CBFA2T2: variants seen among roughly 807,000 people sequenced by gnomAD.
The protein encoded by CBFA2T2 is protein CBFA2T2.
In CBFA2T2, 11 loss-of-function variants were observed where a neutral mutation model predicts 62.2. The ratio of observed to expected loss-of-function variants is 0.18; its 90% confidence interval spans 0.11 to 0.29. CBFA2T2 has a LOEUF of 0.29. Among genes scored for constraint, CBFA2T2 ranks in the 10% least tolerant of loss-of-function variants. CBFA2T2 has a pLI of 1.00. For missense variants in CBFA2T2, 592 were observed against 774.1 expected (o/e 0.76, Z 2.79); for synonymous variants, 295 against 287.5 (o/e 1.03, Z -0.27).
At chr20:33,595,688 G>A (rs1477275049) in intron 1 of CBFA2T2, among the ~76,000 whole-genome samples, 5 of 151,796 alleles carry the variant, frequency 3.3e-5, no homozygotes, top group African/African-American at 1.2e-4. Context: ...ATAGGTGTAC[G>A]CCACCACTCC....
At chr20:33,514,925 C>G (rs2011574361) in intron 1 of CBFA2T2, among the ~76,000 whole-genome samples, 1 of 151,812 alleles carries the variant, frequency 6.6e-6, no homozygotes, top group Non-Finnish European at 1.5e-5. Flanking sequence ...AACTCCTAAC[C>G]TTGTGATCCG....
intron 1 of CBFA2T2, among the ~76,000 whole-genome samples, chr20:33,535,755 A>T (rs2012197944): frequency 1.3e-5 from 2 of 149,766 alleles, no homozygotes; most frequent in South Asian, 4.3e-4. Context: ...TAGTGGAGGG[A>T]AGGTCAGCAG....
intron 1 of CBFA2T2, among the ~76,000 whole-genome samples, chr20:33,595,022 C>T (rs2014825317): frequency 6.6e-6 from 1 of 152,160 alleles, no homozygotes; most frequent in Non-Finnish European, 1.5e-5. Context: ...CATTTTTTCC[C>T]TATTTACATT....
chr20:33,635,335 TGAAA>T (rs1338341973), intron 8 of CBFA2T2, among the ~76,000 whole-genome samples: 1 of 152,008 alleles, frequency 6.6e-6, no homozygotes. Flanking sequence ...CCTCAATATG[TGAAA>T]GTAAACCAGA....
At chr20:33,641,759 T>C (rs1034481858) in intron 10 of CBFA2T2, among the ~76,000 whole-genome samples, 4 of 152,242 alleles carry the variant, frequency 2.6e-5, no homozygotes, top group Non-Finnish European at 5.9e-5. Context: ...ATTTTCATAT[T>C]TTTAATAGAG....
intron 1 of CBFA2T2, among the ~76,000 whole-genome samples, chr20:33,557,234 C>T (rs566940457): frequency 1.3e-5 from 2 of 151,748 alleles, no homozygotes; most frequent in African/African-American, 4.8e-5. Flanking sequence ...AGGCTGGTCT[C>T]GAACTGCTGA....
chr20:33,551,460 C>A (rs145766276), intron 1 of CBFA2T2, among the ~76,000 whole-genome samples: 211 of 152,082 alleles, frequency 1.4e-3, no homozygotes, highest in African/African-American at 4.8e-3. Context: ...AGGTGATCTG[C>A]CTGCCTTGGC....
chr20:33,629,606 C>T lies in CBFA2T2; in HGVS notation c.1033-113C>T, dbSNP rs949003047. 15 of 968,344 alleles carry T rather than the reference C, an allele frequency of 1.5e-5. No individual in the cohort carries two copies. The South Asian group carries it at 2.5e-4, about 16-fold the overall frequency. The allele number at this position is 968,344 out of a possible 1,614,324, so 60.0% of individuals were successfully genotyped here. A position where few individuals can be genotyped will look rare whatever the true frequency, so the allele number is the denominator to read the frequency against. ...GGTTTTAAATGTAAACTTGATATTC[C>T]TAAATCTGTACTTTAAGGAACCTGA... is the stretch of plus-strand genomic sequence containing the variant. On this transcript the variant is annotated intron_variant, in intron 7 of 10. Transcript: ENST00000342704.
At position 33,629,753 on chromosome 20, in the gene CBFA2T2, C is replaced by T; in HGVS notation, c.1067C>T (p.Thr356Ile). The change falls in exon 8 of 11, where the codon ACA becomes ATA. Residue 356 changes from threonine to isoleucine, a missense_variant. By Grantham distance (89) the Thr-to-Ile change is moderately conservative. Transcript: ENST00000342704. Reference protein sequence around the residue: ...LNCIMEMVEKTRRSMAVLRRC... With the variant: ...LNCIMEMVEKIRRSMAVLRRC... ...TGCATTATGGAAATGGTAGAGAAAA[C>T]AAGGCGCTCTATGGCAGTTCTGCGG... 1 of 1,613,934 alleles carries T rather than the reference C, an allele frequency of 6.2e-7. No homozygotes were observed. The highest frequency in any genetic ancestry group is 2.2e-5 in the East Asian group (1 of 44,888).
intron 1 of CBFA2T2, among the ~76,000 whole-genome samples, chr20:33,603,033 C>T (rs1483210453): frequency 1.3e-5 from 2 of 152,096 alleles, no homozygotes; most frequent in African/African-American, 2.4e-5. Flanking sequence ...CTATTCAGTA[C>T]GGTGCTCAAT....
Position 33,647,914 on chromosome 20 carries a change from G to A in CBFA2T2, c.*3268G>A, listed in dbSNP as rs745918816. 2.0e-5 allele frequency: 3 copies of A among 152,262 alleles called. No homozygotes were observed. The highest frequency in any genetic ancestry group is 4.4e-5 in the Non-Finnish European group (3 of 68,052). 9.4% of individuals were successfully genotyped at this position (152,262 alleles called of 1,614,324 possible). A position where few individuals can be genotyped will look rare whatever the true frequency, so the allele number is the denominator to read the frequency against. On this transcript the variant is annotated 3_prime_UTR_variant, in exon 11 of 11. Coordinates refer to ENST00000342704, the MANE Select transcript of CBFA2T2 (RefSeq NM_001032999.3). Reference sequence around the variant, plus strand: ...TGTTAATTCTGGTCAGTTTCACACAGAAGTCACGAGGGCCTCTGCCCAGGA... The same window carrying A: ...TGTTAATTCTGGTCAGTTTCACACAAAAGTCACGAGGGCCTCTGCCCAGGA...
chr20:33,594,646 A>G (rs776332977), intron 1 of CBFA2T2, among the ~76,000 whole-genome samples: 7 of 152,180 alleles, frequency 4.6e-5, no homozygotes, highest in Non-Finnish European at 7.3e-5. Flanking sequence ...TGTGTGAGAA[A>G]TTGATAGCGT....
intron 1 of CBFA2T2, among the ~76,000 whole-genome samples, chr20:33,577,410 G>A (rs2013881100): frequency 6.6e-6 from 1 of 152,104 alleles, no homozygotes; most frequent in African/African-American, 2.4e-5. Context: ...TTAAGCCCAT[G>A]TATTTGACAG....
At chr20:33,618,348 C>T (rs185127774) in intron 3 of CBFA2T2, 3 of 152,058 alleles carry the variant, frequency 2.0e-5, no homozygotes, top group South Asian at 2.1e-4. Flanking sequence ...TCATTTTGTT[C>T]GTTTGTTTTA....
At chr20:33,560,793 G>A (rs904389135) in intron 1 of CBFA2T2, among the ~76,000 whole-genome samples, 1 of 152,122 alleles carries the variant, frequency 6.6e-6, no homozygotes, top group Non-Finnish European at 1.5e-5. Flanking sequence ...TATTCATGTA[G>A]ATTTTAGTAT....
At chr20:33,597,050 A>G (rs1396837307) in intron 1 of CBFA2T2, among the ~76,000 whole-genome samples, 1 of 151,618 alleles carries the variant, frequency 6.6e-6, no homozygotes, top group Non-Finnish European at 1.5e-5. Flanking sequence ...TGAGCCTCCA[A>G]AGCAGCTGGA....
intron 1 of CBFA2T2, among the ~76,000 whole-genome samples, chr20:33,604,585 A>C (rs1039160809): frequency 6.6e-6 from 1 of 152,208 alleles, no homozygotes; most frequent in African/African-American, 2.4e-5. Flanking sequence ...TTGGCCCACT[A>C]TCAAAGCTTT....
intron 3 of CBFA2T2, among the ~76,000 whole-genome samples, chr20:33,616,025 A>G (rs571093297): frequency 6.6e-5 from 10 of 152,164 alleles, no homozygotes; most frequent in African/African-American, 2.2e-4. Flanking sequence ...GCCATGAGCC[A>G]TGATCACACC....
chr20:33,570,458 C>T (rs1346214218), intron 1 of CBFA2T2, among the ~76,000 whole-genome samples: 1 of 152,070 alleles, frequency 6.6e-6, no homozygotes, highest in Non-Finnish European at 1.5e-5. Flanking sequence ...TCTGCTCCTT[C>T]GTTTTAAGCA....
Sources: allele counts gnomAD v4.1 joint callset (sites outside exome capture counted in the v4.1 genomes callset), GRCh38; gene constraint gnomAD v4.1.1; transcripts MANE v1.5; gene names NCBI Gene and HGNC (gene_info 2026-07-23, HGNC 2026-07-21).